DLC1: variants seen among roughly 807,000 people sequenced by gnomAD.
DLC1 encodes the protein DLC1 Rho GTPase activating protein, also known as rho GTPase-activating protein 7.
DLC1 carries 54 observed loss-of-function variants against 140.3 expected under a neutral mutation model. That is an observed-to-expected ratio of 0.38 (90% CI 0.31 to 0.48). The LOEUF (loss-of-function observed/expected upper bound fraction) is 0.48, where lower values mean the gene tolerates loss of function less well. Among genes scored for constraint, DLC1 ranks in the 20% least tolerant of loss-of-function variants. The pLI, the probability that DLC1 is intolerant of heterozygous loss-of-function variation, is 0.96. For synonymous variants in DLC1, 986 were observed against 728.1 expected, an observed-to-expected ratio of 1.35 and a Z score of -5.70; for missense variants, 2,536 against 1,907.0, an observed-to-expected ratio of 1.33 and a Z score of -6.14.
chr8:13,445,540 TA>T (rs1181473820), intron 2 of DLC1, among the ~76,000 whole-genome samples: 2 of 152,172 alleles, frequency 1.3e-5, no homozygotes, highest in African/African-American at 4.8e-5. Flanking sequence ...CACCAATGAT[TA>T]AAGCTGTCAA....
intron 2 of DLC1, 149 bp from the exon 3 acceptor site, chr8:13,401,768 G>A: frequency 2.0e-6 from 2 of 978,296 alleles, no homozygotes; most frequent in Non-Finnish European, 2.9e-6. Flanking sequence ...TCATCAATGG[G>A]CTCTTCATTG....
At chr8:13,365,963 A>C (rs1200216084) in intron 4 of DLC1, among the ~76,000 whole-genome samples, 1 of 152,178 alleles carries the variant, frequency 6.6e-6, no homozygotes, top group East Asian at 1.9e-4. Flanking sequence ...GAGAGGGGAA[A>C]ATGTACCAGC....
At chr8:13,189,370 T>C (rs1470863337) in intron 5 of DLC1, among the ~76,000 whole-genome samples, 2 of 152,148 alleles carry the variant, frequency 1.3e-5, no homozygotes, top group African/African-American at 4.8e-5. Context: ...CCCAGCACTT[T>C]GGAAGGCTGA....
At chr8:13,492,810 G>C in intron 2 of DLC1, among the ~76,000 whole-genome samples, 1 of 152,108 alleles carries the variant, frequency 6.6e-6, no homozygotes, top group East Asian at 1.9e-4. Context: ...GGTTTTAGGA[G>C]ACTTATATTT....
chr8:13,319,748 C>T (rs1388606245), intron 4 of DLC1, among the ~76,000 whole-genome samples: 1 of 150,542 alleles, frequency 6.6e-6, no homozygotes. Flanking sequence ...TTCTTTATAA[C>T]AGTGCAAGAG....
intron 1 of DLC1, among the ~76,000 whole-genome samples, chr8:13,553,533 G>A (rs563052682): frequency 2.7e-4 from 41 of 151,430 alleles, no homozygotes; most frequent in African/African-American, 9.7e-4. Context: ...AAATAAACTT[G>A]TGGAGACAGA....
intron 14 of DLC1, among the ~76,000 whole-genome samples, chr8:13,090,878 A>C (rs1442841794): frequency 6.7e-6 from 1 of 148,326 alleles, no homozygotes; most frequent in African/African-American, 2.5e-5. Context: ...ATATTGGTTC[A>C]TTGCAACCTC....
At chr8:13,603,729 A>C (rs1025553217) in intron 1 of DLC1, among the ~76,000 whole-genome samples, 1 of 152,088 alleles carries the variant, frequency 6.6e-6, no homozygotes, top group Non-Finnish European at 1.5e-5. Context: ...TTTAGGGAAG[A>C]AAAAATTAGC....
chr8:13,395,041 C>T (rs550840667), intron 3 of DLC1, among the ~76,000 whole-genome samples: 3 of 150,310 alleles, frequency 2.0e-5, no homozygotes, highest in East Asian at 3.9e-4. Flanking sequence ...TATCATCTAT[C>T]TATCTATCTA....
intron 5 of DLC1, among the ~76,000 whole-genome samples, chr8:13,291,193 G>A (rs537848614): frequency 6.6e-6 from 1 of 152,204 alleles, no homozygotes; most frequent in African/African-American, 2.4e-5. Flanking sequence ...ACAGGCATGA[G>A]CCACTGCGCC....
chr8:13,540,027 A>G (rs372196809), intron 1 of DLC1, among the ~76,000 whole-genome samples: 2 of 152,224 alleles, frequency 1.3e-5, no homozygotes, highest in South Asian at 2.1e-4. Context: ...AGATGTGTGC[A>G]GCACAAAACA....
chr8:13,404,001 G>A (rs1837417331), intron 2 of DLC1, among the ~76,000 whole-genome samples: 1 of 151,850 alleles, frequency 6.6e-6, no homozygotes. Context: ...ATCCAGTAAT[G>A]CCCCATGACT....
At chr8:13,467,569 T>C (rs966081115) in intron 2 of DLC1, among the ~76,000 whole-genome samples, 4 of 151,998 alleles carry the variant, frequency 2.6e-5, no homozygotes, top group African/African-American at 9.7e-5. Flanking sequence ...AGAGACCCTG[T>C]CTTTACAAAA....
In DLC1 at chr8:13,096,692, G is replaced by A. The variant is rs141059955; in HGVS notation, c.3168-1447C>T. 2.0e-3 allele frequency among the ~76,000 whole-genome samples: 297 copies of A among 151,888 alleles called. 3 individuals carry two copies. Among genetic ancestry groups the A allele is most frequent in the Admixed American group, 7.7e-3 (117 of 15,244 alleles). ...CTCACATAATAACAGCCTTTGAACG[G>A]GAGGTGCTTTGATGCTGAAGTTAAA... On this transcript the variant is annotated intron_variant, in intron 10 of 17. Transcript: ENST00000276297.
At chr8:13,195,813 A>G (rs967767988) in intron 5 of DLC1, among the ~76,000 whole-genome samples, 2 of 152,178 alleles carry the variant, frequency 1.3e-5, no homozygotes. Flanking sequence ...GTTGACCTAT[A>G]GCAGCACTAT....
chr8:13,509,983 A>T (rs190805242), intron 1 of DLC1, among the ~76,000 whole-genome samples: 5 of 152,114 alleles, frequency 3.3e-5, no homozygotes, highest in African/African-American at 1.2e-4. Flanking sequence ...CACTCACTAG[A>T]TGTAAAGTGA....
At chr8:13,160,956 C>T (rs1396518828) in intron 5 of DLC1, among the ~76,000 whole-genome samples, 1 of 152,150 alleles carries the variant, frequency 6.6e-6, no homozygotes, top group East Asian at 1.9e-4. Context: ...TGGCGGGTAC[C>T]TGTATTCCCA....
At chr8:13,446,605 AG>A (rs1484008103) in intron 2 of DLC1, among the ~76,000 whole-genome samples, 4 of 152,020 alleles carry the variant, frequency 2.6e-5, no homozygotes, top group Non-Finnish European at 5.9e-5. Flanking sequence ...GAAGGAACGG[AG>A]GGAAGGGGAG....
chr8:13,586,738 C>G (rs1805332176), intron 1 of DLC1, among the ~76,000 whole-genome samples: 1 of 151,878 alleles, frequency 6.6e-6, no homozygotes, highest in Non-Finnish European at 1.5e-5. Context: ...ATATCACAAC[C>G]AGAATGTTGA....
Sources: gnomAD v4.1 joint callset for allele counts (sites outside exome capture counted in the v4.1 genomes callset) on GRCh38, gnomAD v4.1.1 for gene constraint, MANE v1.5 for transcripts, NCBI Gene and HGNC (gene_info 2026-07-23, HGNC 2026-07-21) for gene names.